The following FBXW7 variants were observed in gnomAD, a reference collection of about 807,000 sequenced individuals.
The protein encoded by FBXW7 is F-box/WD repeat-containing protein 7.
In FBXW7, 11 loss-of-function variants were observed where a neutral mutation model predicts 86.3. That is an observed-to-expected ratio of 0.13 (90% CI 0.08 to 0.21). FBXW7 has a LOEUF of 0.21. FBXW7 is among the 10% of genes least tolerant of loss of function. FBXW7 has a pLI of 1.00. For synonymous variants in FBXW7, 313 were observed against 297.9 expected, an observed-to-expected ratio of 1.05 and a Z score of -0.52; for missense variants, 488 against 847.4, an observed-to-expected ratio of 0.58 and a Z score of 5.27.
intron 2 of FBXW7, among the ~76,000 whole-genome samples, chr4:152,447,276 T>C (rs1186529101): frequency 2.0e-5 from 3 of 152,184 alleles, no homozygotes; most frequent in African/African-American, 7.2e-5. Flanking sequence ...TTGAGAGAAA[T>C]GGTGTCTCTA....
At chr4:152,470,145 A>G (rs1183672973) in intron 2 of FBXW7, among the ~76,000 whole-genome samples, 3 of 152,082 alleles carry the variant, frequency 2.0e-5, no homozygotes, top group African/African-American at 7.2e-5. Context: ...ACTTTGGTAT[A>G]TTATACATAT....
intron 4 of FBXW7, among the ~76,000 whole-genome samples, chr4:152,361,965 CAAAAAAAAAA>C (rs569330155): frequency 2.7e-5 from 1 of 37,146 alleles, no homozygotes; most frequent in South Asian, 8.9e-4. Flanking sequence ...GACTCCATCT[CAAAAAAAAAA>C]AAAAAAAAAA....
intron 2 of FBXW7, among the ~76,000 whole-genome samples, chr4:152,420,223 C>T (rs1221726222): frequency 6.6e-6 from 1 of 152,150 alleles, no homozygotes; most frequent in African/African-American, 2.4e-5. Context: ...GCTTTCTTTG[C>T]TCATCAATAA....
At chr4:152,415,626 A>G (rs1404417360) in intron 2 of FBXW7, among the ~76,000 whole-genome samples, 1 of 152,096 alleles carries the variant, frequency 6.6e-6, no homozygotes, top group African/African-American at 2.4e-5. Flanking sequence ...CCACTGCTCA[A>G]CACCCACTAA....
At chr4:152,514,053 TTAAAA>T (rs1423867482) in intron 2 of FBXW7, among the ~76,000 whole-genome samples, 1 of 152,260 alleles carries the variant, frequency 6.6e-6, no homozygotes, top group Non-Finnish European at 1.5e-5. Context: ...TGATTACATG[TTAAAA>T]TAACATTTGG....
intron 4 of FBXW7, among the ~76,000 whole-genome samples, chr4:152,360,008 C>T (rs1480696303): frequency 1.3e-5 from 2 of 152,174 alleles, no homozygotes; most frequent in African/African-American, 2.4e-5. Context: ...CTATTATTAA[C>T]TTGCAGGATT....
chr4:152,489,477 A>G (rs1745645098), intron 2 of FBXW7: 3 of 152,674 alleles, frequency 2.0e-5, no homozygotes, highest in Admixed American at 2.0e-4. Context: ...CTATATACCT[A>G]CTCTATACTG....
intron 2 of FBXW7, among the ~76,000 whole-genome samples, chr4:152,529,920 G>A (rs570275454): frequency 2.5e-4 from 38 of 151,940 alleles, no homozygotes; most frequent in African/African-American, 8.9e-4. Flanking sequence ...GTCGGGCATG[G>A]TGGCGCATGC....
chr4:152,435,812 T>G (rs1284289324), intron 2 of FBXW7, among the ~76,000 whole-genome samples: 1 of 152,234 alleles, frequency 6.6e-6, no homozygotes, highest in African/African-American at 2.4e-5. Context: ...CAAAAGCATG[T>G]GGTAACTTCA....
intron 2 of FBXW7, among the ~76,000 whole-genome samples, chr4:152,516,654 A>G (rs775723964): frequency 9.9e-5 from 15 of 152,232 alleles, no homozygotes; most frequent in South Asian, 2.1e-4. Flanking sequence ...TCACATTATT[A>G]TAAGTGATGT....
intron 2 of FBXW7, among the ~76,000 whole-genome samples, chr4:152,486,977 T>C (rs1745400750): frequency 6.6e-6 from 1 of 152,154 alleles, no homozygotes; most frequent in African/African-American, 2.4e-5. Flanking sequence ...CATTATAATC[T>C]CATGGGATCA....
At chr4:152,337,651 T>G in intron 7 of FBXW7, 151 bp downstream of exon 7, 1 of 684,122 alleles carries the variant, frequency 1.5e-6, no homozygotes, top group Non-Finnish European at 2.3e-6. Flanking sequence ...TCATGGCAAT[T>G]TATCAATTTA....
intron 2 of FBXW7, among the ~76,000 whole-genome samples, chr4:152,516,563 C>G (rs1413235989): frequency 6.6e-6 from 1 of 152,154 alleles, no homozygotes; most frequent in Non-Finnish European, 1.5e-5. Flanking sequence ...TACAGATGAC[C>G]ATTTAGATTT....
chr4:152,327,159 C>A (rs1729113652), intron 11 of FBXW7, among the ~76,000 whole-genome samples: 1 of 151,766 alleles, frequency 6.6e-6, no homozygotes, highest in Non-Finnish European at 1.5e-5. Context: ...TTGAGAGAAC[C>A]CTTTAATTGA....
intron 2 of FBXW7, among the ~76,000 whole-genome samples, chr4:152,483,145 CAT>C (rs2149673063): frequency 6.6e-6 from 1 of 152,158 alleles, no homozygotes; most frequent in South Asian, 2.1e-4. Flanking sequence ...CATACTTGTA[CAT>C]ATATCTTTAT....
intron 13 of FBXW7, chr4:152,323,519 A>C: frequency 4.0e-6 from 1 of 249,126 alleles, no homozygotes; most frequent in East Asian, 9.2e-5. Context: ...CCCCACCACC[A>C]TGAACCACTC....
intron 2 of FBXW7, among the ~76,000 whole-genome samples, chr4:152,473,405 T>C (rs1560941683): frequency 6.6e-6 from 1 of 152,240 alleles, no homozygotes; most frequent in African/African-American, 2.4e-5. Flanking sequence ...ATAAAAACTT[T>C]AAAGCAAAGT....
At chr4:152,466,254 C>T (rs1315127459) in intron 2 of FBXW7, among the ~76,000 whole-genome samples, 1 of 152,078 alleles carries the variant, frequency 6.6e-6, no homozygotes, top group Non-Finnish European at 1.5e-5. Flanking sequence ...TAAATTGGTA[C>T]CTTAAAAATT....
intron 2 of FBXW7, among the ~76,000 whole-genome samples, chr4:152,527,252 A>G (rs1749596528): frequency 6.6e-6 from 1 of 152,270 alleles, no homozygotes; most frequent in Non-Finnish European, 1.5e-5. Flanking sequence ...TGAATTATGA[A>G]TTACTGAATG....
Sources: gnomAD v4.1 joint callset for allele counts (sites outside exome capture counted in the v4.1 genomes callset) on GRCh38, gnomAD v4.1.1 for gene constraint, MANE v1.5 for transcripts, NCBI Gene and HGNC (gene_info 2026-07-23, HGNC 2026-07-21) for gene names.